Variants in TEAD2 observed in about 807,000 individuals in gnomAD.
TEAD2 encodes the protein transcriptional enhancer factor TEF-4.
In TEAD2, 51 loss-of-function variants were observed where a neutral mutation model predicts 61.4. The ratio of observed to expected loss-of-function variants is 0.83; its 90% CI spans 0.66 to 1.05. The LOEUF (loss-of-function observed/expected upper bound fraction) is 1.05, where lower values mean the gene tolerates loss of function less well. TEAD2 is among the 50% of genes least tolerant of loss of function. TEAD2 has a pLI of 0.00. For synonymous variants in TEAD2, 244 were observed against 243.2 expected (o/e 1.00, Z -0.03); for missense variants, 509 against 600.0 (o/e 0.85, Z 1.58).
At chr19:49,342,720 CCCCA>C in intron 11 of TEAD2, 130 bp from the exon 12 acceptor site, 2 of 1,159,998 alleles carry the variant, frequency 1.7e-6, no homozygotes, top group Non-Finnish European at 2.5e-6. Context: ...CCTTTCATCA[CCCCA>C]CCCACAGTGA....
intron 7 of TEAD2, among the ~76,000 whole-genome samples, chr19:49,354,359 C>T (rs912398944): frequency 6.6e-6 from 1 of 151,964 alleles, no homozygotes; most frequent in African/African-American, 2.4e-5. Context: ...AAAAAATTAG[C>T]CAGGTGTGGT....
At position 49,341,262 on chromosome 19, in the gene TEAD2, G is replaced by C; in HGVS notation, c.*62C>G. ...TCCCCAAATAAGAAGCATGAGGTGA[G>C]CTGGAGGACCCTCCCTGGGAGGAGG... On this transcript the variant is annotated 3_prime_UTR_variant, in exon 13 of 13. Coordinates refer to ENST00000593945, the MANE Select transcript of TEAD2 (RefSeq NM_001256660.2). This position sits in a 1 kb window ranked among gnomAD's most constrained non-coding sequence, Gnocchi z 4.2. 7.2e-7 allele frequency: 1 copy of C among 1,380,370 alleles called. No individual in the cohort carries two copies. The highest frequency in any genetic ancestry group is 1.0e-6 in the Non-Finnish European group (1 of 970,104). The allele number at this position is 1,380,370 out of a possible 1,614,324, so 85.5% of individuals were successfully genotyped here. A position where few individuals can be genotyped will look rare whatever the true frequency, so the allele number is the denominator to read the frequency against.
chr19:49,347,096 G>A (rs1002710799), intron 10 of TEAD2, 94 bp downstream of exon 10: 1 of 1,507,972 alleles, frequency 6.6e-7, no homozygotes, highest in Non-Finnish European at 9.0e-7. Context: ...AGGCTGACCT[G>A]GTAGGGCCCG....
rs1469111470 is a variant in TEAD2 at position 49,359,161 on chromosome 19, C to T, written c.297+274G>A. ...GCTGAGACAGGAGAATTGCTTGAAC[C>T]CGGGAGGCAGAGGTTGCAGTGAGCC... On this transcript the variant is annotated intron_variant, in intron 3 of 12. Coordinates refer to ENST00000593945, the MANE Select transcript of TEAD2 (RefSeq NM_001256660.2). This position sits in a 1 kb window ranked among gnomAD's most constrained non-coding sequence, Gnocchi z 4.1. 1 of 378,642 alleles carries T rather than the reference C, an allele frequency of 2.6e-6. No homozygotes were observed. Among genetic ancestry groups the T allele is most frequent in the South Asian group, 2.9e-5 (1 of 34,986 alleles). 23.5% of individuals were successfully genotyped at this position (378,642 alleles called of 1,614,324 possible). A position where few individuals can be genotyped will look rare whatever the true frequency, so the allele number is the denominator to read the frequency against.
At position 49,351,353 on chromosome 19, in the gene TEAD2, G is replaced by A; in HGVS notation, c.552C>T (p.Phe184=). The change falls in exon 8 of 13, where the codon TTC becomes TTT. Residue 184 remains phenylalanine, a synonymous_variant. Transcript: ENST00000593945. ...PPWNVPDVKP[F]SQTPFTLSLT... is the part of the protein sequence containing the mutation. ...GTGACAAGGTGAACGGTGTCTGTGA[G>A]AATGGCTTCACACTGAGGGAAAAAG... The A allele has an allele frequency of 6.2e-7, 1 of 1,612,010 alleles. No homozygotes were observed. The highest frequency in any genetic ancestry group is 8.5e-7 in the Non-Finnish European group (1 of 1,179,296).
At chr19:49,361,327 G>A in intron 1 of TEAD2, 1 of 144,274 alleles carries the variant, frequency 6.9e-6, no homozygotes, top group Non-Finnish European at 1.5e-5. Context: ...GGGGGACACA[G>A]ACTCAGAGAG....
chr19:49,348,759 G>A lies in TEAD2; in HGVS notation c.691C>T (p.Arg231Trp), dbSNP rs751798729. The change falls in exon 9 of 13, where the codon CGG (arginine) becomes TGG (tryptophan). Residue 231 changes from arginine to tryptophan, a missense_variant. Physicochemically the swap from Arg to Trp is moderately radical, Grantham distance 101 (BLOSUM62 -3). Transcript: ENST00000593945. Reference protein sequence around the residue: ...AWQARGLGTARLQLVEFSAFV... With the variant: ...AWQARGLGTAWLQLVEFSAFV... The stretch of plus-strand genomic sequence containing the variant: ...GCTGAGAACTCTACCAGCTGCAACC[G>A]GGCGGTGCCCAGGCCCCGAGCCTGC... The A allele has an allele frequency of 1.3e-5, 21 of 1,613,984 alleles. No homozygotes were observed. The highest frequency in any genetic ancestry group is 4.5e-5 in the East Asian group (2 of 44,884).
At position 49,341,110 on chromosome 19, in the gene TEAD2, G is replaced by A. The variant is rs922428030; in HGVS notation, c.*214C>T. On this transcript the variant is annotated 3_prime_UTR_variant, in exon 13 of 13. Coordinates refer to ENST00000593945, the MANE Select transcript of TEAD2 (RefSeq NM_001256660.2). The surrounding 1 kb of genome is among the most constrained non-coding windows in gnomAD (Gnocchi z 4.2). ...ACACCCACTGTGAGGTCCCAATATC[G>A]GGGTTTATCCTTTCCTCAGTCCCAG... The A allele has an allele frequency of 2.5e-5, 13 of 525,304 alleles. No homozygotes were observed. The highest frequency in any genetic ancestry group is 1.6e-4 in the South Asian group (7 of 43,424). 32.5% of individuals were successfully genotyped at this position (525,304 alleles called of 1,614,324 possible).
intron 1 of TEAD2, 22 bp from the exon 2 acceptor site, chr19:49,360,103 C>A: frequency 6.3e-7 from 1 of 1,580,650 alleles, no homozygotes; most frequent in Non-Finnish European, 8.6e-7. Context: ...CAGAACTCAG[C>A]AAGCTTCCCC....
intron 10 of TEAD2, 152 bp downstream of exon 10, chr19:49,347,038 G>A (rs1971691658): frequency 9.0e-7 from 1 of 1,111,390 alleles, no homozygotes; most frequent in African/African-American, 1.6e-5. Flanking sequence ...GTTCCTTGTT[G>A]CAAAGGGGGC....
chr19:49,350,662 G>T (rs1170697617), intron 8 of TEAD2, among the ~76,000 whole-genome samples: 3 of 151,974 alleles, frequency 2.0e-5, no homozygotes, highest in African/African-American at 2.4e-5. Flanking sequence ...TGCTTCAGCT[G>T]GCTTGATTTG....
chr19:49,360,198 G>C (rs1972739888), intron 1 of TEAD2, 117 bp from the exon 2 acceptor site: 1 of 780,480 alleles, frequency 1.3e-6, no homozygotes, highest in East Asian at 2.7e-5. Flanking sequence ...TGGGGACCTG[G>C]ACTCCTGGGT....
intron 3 of TEAD2, 100 bp from the exon 4 acceptor site, chr19:49,357,414 A>T (rs16981229): frequency 1.6e-6 from 2 of 1,235,964 alleles, no homozygotes; most frequent in Admixed American, 3.7e-5. Context: ...CTGCTGGACC[A>T]TGAAAGGTGA....
intron 10 of TEAD2, among the ~76,000 whole-genome samples, chr19:49,344,480 C>T (rs944630301): frequency 1.3e-5 from 2 of 151,982 alleles, no homozygotes; most frequent in African/African-American, 4.8e-5. Flanking sequence ...AGGGTTTTGT[C>T]ATGTTGGCCA....
At position 49,351,366 on chromosome 19, in the gene TEAD2, C is replaced by A; in HGVS notation, c.540-1G>T. On this transcript the variant is annotated splice_acceptor_variant, in intron 7 of 12. Coordinates refer to ENST00000593945, the MANE Select transcript of TEAD2 (RefSeq NM_001256660.2). LOFTEE classifies it high-confidence loss of function. The stretch of plus-strand genomic sequence containing the variant: ...CGGTGTCTGTGAGAATGGCTTCACA[C>A]TGAGGGAAAAAGGAAGCCAGGGGTT... The A allele has an allele frequency of 6.2e-7, 1 of 1,609,338 alleles. No individual in the cohort carries two copies. Among genetic ancestry groups the A allele is most frequent in the Non-Finnish European group, 8.5e-7 (1 of 1,178,388 alleles).
chr19:49,356,734 G>C (rs1182716000), intron 4 of TEAD2, among the ~76,000 whole-genome samples: 1 of 152,086 alleles, frequency 6.6e-6, no homozygotes, highest in Non-Finnish European at 1.5e-5. Flanking sequence ...GTGGTCAAGG[G>C]AGGGGACCGA....
intron 9 of TEAD2, among the ~76,000 whole-genome samples, chr19:49,348,016 G>A (rs904428796): frequency 6.6e-6 from 1 of 152,140 alleles, no homozygotes; most frequent in Non-Finnish European, 1.5e-5. Context: ...CCTGAGAGTC[G>A]ACACATCCAA....
chr19:49,355,279 C>A (rs749182888), intron 6 of TEAD2, 33 bp downstream of exon 6: 1 of 1,613,532 alleles, frequency 6.2e-7, no homozygotes, highest in South Asian at 1.1e-5. Context: ...TCCCCCTTTG[C>A]CCCCACGTCC....
At chr19:49,358,977 C>T (rs1972606542) in intron 3 of TEAD2, among the ~76,000 whole-genome samples, 1 of 152,116 alleles carries the variant, frequency 6.6e-6, no homozygotes, top group South Asian at 2.1e-4. Context: ...CGCCTGTAAT[C>T]CCAGCAATCC....
Sources: gnomAD v4.1 joint callset for allele counts (sites outside exome capture counted in the v4.1 genomes callset) on GRCh38, gnomAD v4.1.1 for gene constraint, Gnocchi (gnomAD v3.1) non-coding constraint, MANE v1.5 for transcripts, NCBI Gene and HGNC (gene_info 2026-07-23, HGNC 2026-07-21) for gene names.